Variants in MCF2L observed in about 807,000 individuals in gnomAD.
MCF2L encodes MCF.2 cell line derived transforming sequence like.
A neutral mutation model predicts 153.4 loss-of-function variants in MCF2L; 97 were observed. That is an observed-to-expected ratio of 0.63 (90% CI 0.54 to 0.75). MCF2L has a LOEUF of 0.75. MCF2L is among the 30% of genes least tolerant of loss of function. The pLI is 0.00. For synonymous variants in MCF2L, 659 were observed against 632.2 expected, an observed-to-expected ratio of 1.04 and a Z score of -0.64; for missense variants, 1,347 against 1,495.2, an observed-to-expected ratio of 0.90 and a Z score of 1.64.
chr13:112,961,281 A>G (rs907215942), intron 2 of MCF2L, among the ~76,000 whole-genome samples: 1 of 152,258 alleles, frequency 6.6e-6, no homozygotes, highest in Non-Finnish European at 1.5e-5. Flanking sequence ...ATAATAAAAT[A>G]CAACTGGGCA....
rs1243875198 is a variant in MCF2L at position 113,089,178 on chromosome 13, C to T, written c.2835-432C>T. Among the ~76,000 whole-genome samples the T allele has an allele frequency of 2.4e-5, 3 of 126,360 alleles. 1 individual carries two copies. Among genetic ancestry groups the T allele is most frequent in the African/African-American group, 6.0e-5 (2 of 33,310 alleles). 82.9% of individuals were successfully genotyped at this position (126,360 alleles called of 152,430 possible). ...AAAGAAACACTCCCCCGCCCCCCCC[C>T]CCGCCCCCCGAAAAAAAAAGCCTCA... On this transcript the variant is annotated intron_variant, in intron 25 of 29. Transcript: ENST00000535094.
chr13:112,915,333 C>T (rs552703503), intron 2 of MCF2L, among the ~76,000 whole-genome samples: 1 of 142,326 alleles, frequency 7.0e-6, no homozygotes, highest in South Asian at 2.3e-4. Context: ...CGCTTGAACC[C>T]GGGAAGCGGA....
intron 2 of MCF2L, chr13:112,917,181 C>G (rs750994729): frequency 2.1e-6 from 1 of 471,154 alleles, no homozygotes; most frequent in African/African-American, 2.0e-5. Flanking sequence ...TCCACAGCTC[C>G]AGTCCGGACC....
chr13:112,981,289 G>A (rs1478553650), intron 1 of MCF2L, among the ~76,000 whole-genome samples: 3 of 152,198 alleles, frequency 2.0e-5, no homozygotes, highest in Non-Finnish European at 4.4e-5. Context: ...GTTCCTTGTG[G>A]GAGCAGGAGA....
At chr13:113,044,805 C>T (rs749423393) in intron 3 of MCF2L, 1 of 1,612,950 alleles carries the variant, frequency 6.2e-7, no homozygotes, top group South Asian at 1.1e-5. Flanking sequence ...TGGGGATTTT[C>T]TCCCAGCACC....
Position 113,098,448 on chromosome 13 carries a change from A to G in MCF2L, c.*1589A>G, listed in dbSNP as rs2035801053. The G allele has an allele frequency of 6.6e-6, 1 of 152,440 alleles. No homozygotes were observed. The highest frequency in any genetic ancestry group is 2.4e-5 in the African/African-American group (1 of 41,450). 9.4% of individuals were successfully genotyped at this position (152,440 alleles called of 1,614,324 possible). On this transcript the variant is annotated 3_prime_UTR_variant, in exon 30 of 30. Coordinates refer to ENST00000535094, the MANE Select transcript of MCF2L (RefSeq NM_001112732.3). ...AAGGCACTTTACAGCTTCATGTTTCATCCACTGTCACTTTTTTTTAACTGC... is the reference window on the plus strand; with the variant it reads ...AAGGCACTTTACAGCTTCATGTTTCGTCCACTGTCACTTTTTTTTAACTGC...
chr13:112,942,979 T>C (rs1411922289), intron 2 of MCF2L, among the ~76,000 whole-genome samples: 2 of 152,138 alleles, frequency 1.3e-5, no homozygotes, highest in Non-Finnish European at 2.9e-5. Flanking sequence ...TTGACATGTG[T>C]CCAAAGGATA....
At chr13:112,908,243 C>T (rs2081192116) in intron 2 of MCF2L, among the ~76,000 whole-genome samples, 1 of 152,184 alleles carries the variant, frequency 6.6e-6, no homozygotes, top group African/African-American at 2.4e-5. Context: ...CACCAGGGCT[C>T]CTGTGTTAGG....
At chr13:113,081,996 G>A (rs2034187824) in intron 16 of MCF2L, among the ~76,000 whole-genome samples, 1 of 151,960 alleles carries the variant, frequency 6.6e-6, no homozygotes. Flanking sequence ...GACAGCGAGT[G>A]TGCACAGGTG....
intron 1 of MCF2L, among the ~76,000 whole-genome samples, chr13:113,008,366 C>G (rs549820581): frequency 1.4e-5 from 2 of 144,460 alleles, no homozygotes; most frequent in East Asian, 4.2e-4. Context: ...TGTCTCAGCC[C>G]CTGGACTCCA....
chr13:112,983,427 G>A lies in MCF2L; in HGVS notation c.79+13969G>A, dbSNP rs1392493941. Among the ~76,000 whole-genome samples, 1 of 152,210 alleles carries A rather than the reference G, an allele frequency of 6.6e-6. No homozygotes were observed. Among genetic ancestry groups the A allele is most frequent in the Non-Finnish European group, 1.5e-5 (1 of 68,048 alleles). ...GAGCCTCCTCCCTTCTATCCGGCAG[G>A]TGGCCTTCTCCAGGCATTGCCCTGC... On this transcript the variant is annotated intron_variant, in intron 1 of 29. Coordinates refer to ENST00000535094, the MANE Select transcript of MCF2L (RefSeq NM_001112732.3). This position sits in a 1 kb window ranked among gnomAD's most constrained non-coding sequence, Gnocchi z 4.0.
In MCF2L at chr13:113,035,376, C is replaced by T. The variant is rs1384658428; in HGVS notation, c.279-9895C>T. ...AGTGAGGTTTTTAATATTTACAAGC[C>T]ACAGAATTATTTCCTGCAGCCACAG... On this transcript the variant is annotated intron_variant, in intron 3 of 29. Coordinates refer to ENST00000535094, the MANE Select transcript of MCF2L (RefSeq NM_001112732.3). The surrounding 1 kb of genome is among the most constrained non-coding windows in gnomAD (Gnocchi z 4.4). Among the ~76,000 whole-genome samples, 1 of 152,140 alleles carries T rather than the reference C, an allele frequency of 6.6e-6. No homozygotes were observed. Among genetic ancestry groups the T allele is most frequent in the Non-Finnish European group, 1.5e-5 (1 of 68,032 alleles).
upstream of MCF2L, among the ~76,000 whole-genome samples, chr13:112,964,382 G>T (rs2081868839): frequency 6.6e-6 from 1 of 152,242 alleles, no homozygotes; most frequent in Non-Finnish European, 1.5e-5. Flanking sequence ...AGGATGGCAT[G>T]AACCCATCAT....
chr13:112,949,055 C>A (rs2081665340), intron 2 of MCF2L, among the ~76,000 whole-genome samples: 3 of 152,192 alleles, frequency 2.0e-5, no homozygotes, highest in Admixed American at 2.0e-4. Context: ...GAGCAAGACT[C>A]CCCAGAGGTA....
intron 1 of MCF2L, among the ~76,000 whole-genome samples, chr13:112,975,688 T>G (rs1245176759): frequency 6.6e-6 from 1 of 152,112 alleles, no homozygotes; most frequent in African/African-American, 2.4e-5. Context: ...TCACATACAG[T>G]TAGGTGTGTG....
rs1446694575 is a variant in MCF2L at position 113,045,811 on chromosome 13, G to GCTT, written c.369+450_369+451insCTT. On this transcript the variant is annotated intron_variant, in intron 4 of 29. Coordinates refer to ENST00000535094, the MANE Select transcript of MCF2L (RefSeq NM_001112732.3). The surrounding 1 kb of genome is among the most constrained non-coding windows in gnomAD (Gnocchi z 4.2). ...ACTTCCTCTTACACAAAGCACAACA[G>GCTT]TCCTGACCAGGCAGGACGGGGGCTG... is the stretch of plus-strand genomic sequence containing the variant. The GCTT allele has an allele frequency of 1.3e-4, 25 of 196,358 alleles. No homozygotes were observed. Among genetic ancestry groups the GCTT allele is most frequent in the African/African-American group, 5.8e-4 (25 of 42,766 alleles). 12.2% of individuals were successfully genotyped at this position (196,358 alleles called of 1,614,324 possible). A position where few individuals can be genotyped will look rare whatever the true frequency, so the allele number is the denominator to read the frequency against.
chr13:113,033,604 C>T (rs553198117), intron 3 of MCF2L, among the ~76,000 whole-genome samples: 2 of 152,304 alleles, frequency 1.3e-5, no homozygotes, highest in South Asian at 4.1e-4. Context: ...CTGTTTCTGG[C>T]AGTTCTCAAA....
In MCF2L at chr13:113,087,869, AG is replaced by A. The variant is rs1205516794; in HGVS notation, c.2688+72del. 3.0e-6 allele frequency: 4 copies of A among 1,333,664 alleles called. No individual in the cohort carries two copies. In the East Asian group the frequency reaches 9.3e-5, roughly 31 times the overall value. The allele number at this position is 1,333,664 out of a possible 1,614,324, so 82.6% of individuals were successfully genotyped here. A position where few individuals can be genotyped will look rare whatever the true frequency, so the allele number is the denominator to read the frequency against. On this transcript the variant is annotated intron_variant, in intron 23 of 29. Coordinates refer to ENST00000535094, the MANE Select transcript of MCF2L (RefSeq NM_001112732.3). ...ATGGTTTCTCATGGGAACCAGTGCA[AG>A]GATCTGCCATGAAGTTGCATCGAGC...
chr13:112,953,978 C>G (rs1443913025), intron 2 of MCF2L, among the ~76,000 whole-genome samples: 4 of 152,256 alleles, frequency 2.6e-5, no homozygotes, highest in Non-Finnish European at 5.9e-5. Context: ...GCCAACGGAA[C>G]TGTCTGCTCT....
Sources: gnomAD v4.1 joint callset for allele counts (sites outside exome capture counted in the v4.1 genomes callset) on GRCh38, gnomAD v4.1.1 for gene constraint, Gnocchi (gnomAD v3.1) non-coding constraint, MANE v1.5 for transcripts, NCBI Gene and HGNC (gene_info 2026-07-23, HGNC 2026-07-21) for gene names.